The following ADAM22 variants were observed in gnomAD, a reference collection of about 807,000 sequenced individuals.
ADAM22 encodes disintegrin and metalloproteinase domain-containing protein 22.
Under a neutral mutation model 144.6 loss-of-function variants are expected in ADAM22, and 65 were observed. The observed-to-expected ratio is 0.45, with a 90% CI of 0.37 to 0.55. The LOEUF (loss-of-function observed/expected upper bound fraction) is 0.55, where lower values mean the gene tolerates loss of function less well. Among genes scored for constraint, ADAM22 ranks in the 20% least tolerant of loss-of-function variants. ADAM22 has a pLI of 0.00. For missense variants in ADAM22, 974 were observed against 1,184.9 expected, an observed-to-expected ratio of 0.82 and a Z score of 2.61; for synonymous variants, 391 against 412.6, an observed-to-expected ratio of 0.95 and a Z score of 0.63.
intron 4 of ADAM22, among the ~76,000 whole-genome samples, chr7:88,096,508 A>G (rs1286598747): frequency 1.3e-5 from 2 of 151,420 alleles, no homozygotes; most frequent in African/African-American, 2.4e-5. Context: ...ACACATATAT[A>G]TATATTCCAT....
At chr7:87,982,700 AT>A (rs568174707) in intron 3 of ADAM22, among the ~76,000 whole-genome samples, 3,694 of 55,746 alleles carry the variant, frequency 0.066, 321 homozygotes, top group East Asian at 0.11. Context: ...TATATATATA[AT>A]TTTTTTTTTT....
chr7:88,107,198 C>CTTT (rs561936408), intron 4 of ADAM22, among the ~76,000 whole-genome samples: 429 of 76,556 alleles, frequency 5.6e-3, no homozygotes, highest in East Asian at 9.0e-3. Context: ...GATTGAATTT[C>CTTT]TTTTTTTTTT....
At chr7:88,062,104 A>C (rs1810043024) in intron 3 of ADAM22, among the ~76,000 whole-genome samples, 1 of 152,020 alleles carries the variant, frequency 6.6e-6, no homozygotes, top group African/African-American at 2.4e-5. Flanking sequence ...TGGTCTCCTG[A>C]AGTGCTAGAA....
intron 4 of ADAM22, among the ~76,000 whole-genome samples, chr7:88,083,944 A>G (rs993238541): frequency 6.6e-6 from 1 of 152,300 alleles, no homozygotes; most frequent in African/African-American, 2.4e-5. Flanking sequence ...TAGAATCTCC[A>G]GGTCCTTTTA....
Position 87,934,342 on chromosome 7 carries a change from C to A in ADAM22, c.-124C>A. On this transcript the variant is annotated 5_prime_UTR_variant, in exon 1 of 32. Coordinates refer to ENST00000413139, the MANE Select transcript of ADAM22 (RefSeq NM_001324418.2). ...GGTTGCAGCGCCACGGCCGCCGCAG[C>A]ACCGGCCGGGGCTGGGTGGAGGTGG... 1 of 840,040 alleles carries A rather than the reference C, an allele frequency of 1.2e-6. No individual in the cohort carries two copies. Among genetic ancestry groups the A allele is most frequent in the South Asian group, 1.8e-5 (1 of 54,672 alleles). 52.0% of individuals were successfully genotyped at this position (840,040 alleles called of 1,614,324 possible). A position where few individuals can be genotyped will look rare whatever the true frequency, so the allele number is the denominator to read the frequency against.
chr7:88,153,253 A>G lies in ADAM22; in HGVS notation c.1714A>G (p.Lys572Glu), dbSNP rs1838983634. 1 of 1,613,598 alleles carries G rather than the reference A, an allele frequency of 6.2e-7. No individual in the cohort carries two copies. Residue 572 changes from lysine to glutamate, a missense_variant, in exon 21 of 32, where the codon AAA becomes GAA. This residue lies in a region of ADAM22 where 734 missense variants were observed against 950.6 expected (regional missense o/e 0.77). Coordinates refer to ENST00000413139, the MANE Select transcript of ADAM22 (RefSeq NM_001324418.2). ...VTASDKYCYEKLNIEGTEKGN... is the reference protein window; with the variant it reads ...VTASDKYCYEELNIEGTEKGN... ...AGCATCAGACAAATATTGCTATGAG[A>G]AACTGAATATTGAAGGGACGGAGAA...
At chr7:87,992,956 G>A (rs1304265863) in intron 3 of ADAM22, among the ~76,000 whole-genome samples, 3 of 152,078 alleles carry the variant, frequency 2.0e-5, no homozygotes, top group South Asian at 2.1e-4. Flanking sequence ...AAAGTAAAAG[G>A]TACCTCTGTG....
chr7:87,958,901 G>A (rs189851031), intron 2 of ADAM22, among the ~76,000 whole-genome samples: 101 of 151,948 alleles, frequency 6.6e-4, no homozygotes, highest in Admixed American at 1.5e-3. Context: ...TCTATTATCT[G>A]TATAGCAAAT....
chr7:88,019,047 T>TAA (rs1017043787), intron 3 of ADAM22, among the ~76,000 whole-genome samples: 2 of 151,636 alleles, frequency 1.3e-5, no homozygotes, highest in Non-Finnish European at 2.9e-5. Flanking sequence ...TTGCCATCTA[T>TAA]AAAAATGTGT....
At chr7:88,145,041 A>G (rs542878575) in intron 15 of ADAM22, 84 bp from the exon 16 acceptor site, 461 of 1,149,668 alleles carry the variant, frequency 4.0e-4, no homozygotes, top group Non-Finnish European at 5.4e-4. Flanking sequence ...GGGCAGGTAT[A>G]TTTGGGTATG....
chr7:88,173,763 T>C (rs1278933451), intron 26 of ADAM22, among the ~76,000 whole-genome samples: 1 of 152,096 alleles, frequency 6.6e-6, no homozygotes, highest in Non-Finnish European at 1.5e-5. Flanking sequence ...TCTACTAGTA[T>C]GTGGTATTGG....
At chr7:88,163,640 C>A (rs1842282706) in intron 23 of ADAM22, among the ~76,000 whole-genome samples, 1 of 151,886 alleles carries the variant, frequency 6.6e-6, no homozygotes, top group Non-Finnish European at 1.5e-5. Context: ...AGGATAAGTC[C>A]TAGAAATAAA....
intron 17 of ADAM22, among the ~76,000 whole-genome samples, chr7:88,147,043 A>T (rs1041122215): frequency 4.6e-5 from 7 of 152,236 alleles, no homozygotes; most frequent in African/African-American, 1.7e-4. Flanking sequence ...TACAAAATGC[A>T]TTTAATTACA....
intron 3 of ADAM22, among the ~76,000 whole-genome samples, chr7:87,988,007 T>G (rs1788877311): frequency 6.6e-6 from 1 of 152,134 alleles, no homozygotes; most frequent in Non-Finnish European, 1.5e-5. Context: ...CCTTTATTAT[T>G]TTGTCTATAA....
At chr7:88,066,411 G>A (rs1370240872) in intron 3 of ADAM22, among the ~76,000 whole-genome samples, 1 of 152,096 alleles carries the variant, frequency 6.6e-6, no homozygotes. Flanking sequence ...CATTTAAGAA[G>A]CTTGGAAGAT....
At chr7:87,968,293 A>G (rs1056124725) in intron 2 of ADAM22, among the ~76,000 whole-genome samples, 20 of 152,292 alleles carry the variant, frequency 1.3e-4, no homozygotes, top group Non-Finnish European at 2.5e-4. Flanking sequence ...GGCTCTTTAA[A>G]AAATGTTGAT....
chr7:88,174,683 C>A (rs558675308), intron 26 of ADAM22, among the ~76,000 whole-genome samples: 2 of 152,118 alleles, frequency 1.3e-5, no homozygotes, highest in South Asian at 2.1e-4. Context: ...AAATCTTATT[C>A]TCTTCCTTTG....
chr7:88,181,450 C>G (rs974555225), intron 27 of ADAM22, 55 bp from the exon 28 acceptor site: 27 of 1,501,630 alleles, frequency 1.8e-5, no homozygotes, highest in Non-Finnish European at 2.4e-5. Flanking sequence ...TTACTGATCT[C>G]AAAACATTCA....
chr7:87,997,833 G>A (rs950356418), intron 3 of ADAM22, among the ~76,000 whole-genome samples: 1 of 152,166 alleles, frequency 6.6e-6, no homozygotes, highest in African/African-American at 2.4e-5. Context: ...GGACTAATAG[G>A]ATAGATGTAT....
Sources: gnomAD v4.1 joint callset for allele counts (sites outside exome capture counted in the v4.1 genomes callset) on GRCh38, gnomAD v4.1.1 for gene constraint, gnomAD v4.1.1 regional missense constraint, MANE v1.5 for transcripts, NCBI Gene and HGNC (gene_info 2026-07-23, HGNC 2026-07-21) for gene names.